The following RALGDS variants were observed in gnomAD, a reference collection of about 807,000 sequenced individuals.
RALGDS encodes ral guanine nucleotide dissociation stimulator, also known as ral guanine nucleotide exchange factor.
RALGDS carries 44 observed loss-of-function variants against 99.8 expected under a neutral mutation model. That is an observed-to-expected ratio of 0.44 (90% confidence interval 0.35 to 0.57). The LOEUF is 0.57. Ranked by LOEUF, RALGDS falls within the 20% of genes least tolerant of loss-of-function variation. RALGDS has a pLI of 0.01. For synonymous variants in RALGDS, 529 were observed against 505.0 expected (o/e 1.05, Z -0.64); for missense variants, 1,022 against 1,203.1 (o/e 0.85, Z 2.23).
Position 133,144,860 on chromosome 9 carries a change from G to A in RALGDS, c.18+4103C>T, listed in dbSNP as rs1434064430. 6.6e-6 allele frequency among the ~76,000 whole-genome samples: 1 copy of A among 152,218 alleles called. No individual in the cohort carries two copies. The highest frequency in any genetic ancestry group is 2.4e-5 in the African/African-American group (1 of 41,452). On this transcript the variant is annotated intron_variant, in intron 1 of 17. Transcript: ENST00000393160. The surrounding 1 kb of genome is among the most constrained non-coding windows in gnomAD (Gnocchi z 4.5). ...GATCTTATTTGGAAATAGGGTCTGT[G>A]CGGATAGAATCCGGATGAGGTCATA... is the stretch of plus-strand genomic sequence containing the variant.
At chr9:133,131,632 A>T (rs776494017), upstream of RALGDS, among the ~76,000 whole-genome samples, 3 of 152,022 alleles carry the variant, frequency 2.0e-5, no homozygotes, top group Non-Finnish European at 4.4e-5. Flanking sequence ...CATCTGGCAC[A>T]CTTCCTCCTC....
intron 4 of RALGDS, 68 bp from the exon 5 acceptor site, chr9:133,108,934 C>G (rs1386667458): frequency 8.9e-6 from 13 of 1,468,784 alleles, no homozygotes; most frequent in Admixed American, 1.9e-5. Context: ...GGCTCCTGAG[C>G]CGGCCCCTGT....
chr9:133,136,107 C>T (rs747599731), upstream of RALGDS, among the ~76,000 whole-genome samples: 2 of 152,130 alleles, frequency 1.3e-5, no homozygotes, highest in African/African-American at 2.4e-5. Flanking sequence ...CTACTAGGTG[C>T]CGGGCACTAT....
At chr9:133,133,047 C>G (rs1282172130), upstream of RALGDS, among the ~76,000 whole-genome samples, 1 of 152,178 alleles carries the variant, frequency 6.6e-6, no homozygotes, top group Non-Finnish European at 1.5e-5. Flanking sequence ...GGACAAGCAG[C>G]TCCCGGGTAC....
chr9:133,106,437 C>T (rs1019567364), intron 8 of RALGDS, among the ~76,000 whole-genome samples: 13 of 152,152 alleles, frequency 8.5e-5, no homozygotes, highest in African/African-American at 2.9e-4. Context: ...GTGGCTACAA[C>T]ACGAATACCT....
At chr9:133,120,915 T>C (rs1831898715) in intron 1 of RALGDS, 57 bp downstream of exon 1, 5 of 1,437,950 alleles carry the variant, frequency 3.5e-6, no homozygotes, top group South Asian at 2.7e-5. Flanking sequence ...TGCCCAGCTC[T>C]GCCGCGGGTG....
intron 1 of RALGDS, among the ~76,000 whole-genome samples, chr9:133,141,026 G>A (rs1032875518): frequency 1.3e-5 from 2 of 152,164 alleles, no homozygotes; most frequent in African/African-American, 2.4e-5. Context: ...ACCCAACTCC[G>A]GAGGTGGGCA....
At chr9:133,102,947 G>C (rs1830831793) in intron 12 of RALGDS, 47 bp from the exon 13 acceptor site, 1 of 1,608,252 alleles carries the variant, frequency 6.2e-7, no homozygotes, top group African/African-American at 1.3e-5. Flanking sequence ...CCCCCGGGCA[G>C]CACAGGGGCC....
chr9:133,132,789 G>A (rs571258825), upstream of RALGDS, among the ~76,000 whole-genome samples: 1 of 152,186 alleles, frequency 6.6e-6, no homozygotes, highest in Non-Finnish European at 1.5e-5. Context: ...ACAGGCATGC[G>A]GCACCACGCC....
At position 133,098,651 on chromosome 9, in the gene RALGDS, CCGTGCTT is replaced by C; in HGVS notation, c.2674_2680del (p.Lys892GlufsTer9). The C allele has an allele frequency of 6.2e-7, 1 of 1,614,142 alleles. No homozygotes were observed. Among genetic ancestry groups the C allele is most frequent in the East Asian group, 2.2e-5 (1 of 44,856 alleles). On this transcript the variant is annotated frameshift_variant, in exon 18 of 18. Coordinates refer to ENST00000372050, the MANE Select transcript of RALGDS (RefSeq NM_006266.4). LOFTEE classifies it high-confidence loss of function. ...CATGCGAGGGAGGGTGGAGCTGGCT[CCGTGCTT>C]GACCTTCACTCCCTTGGTGAAGGTC... is the stretch of plus-strand genomic sequence containing the variant.
At chr9:133,104,665 T>G in intron 9 of RALGDS, 1 of 302,988 alleles carries the variant, frequency 3.3e-6, no homozygotes, top group Non-Finnish European at 6.5e-6. Context: ...ATACAAAAAT[T>G]ACCTGGGTTG....
chr9:133,103,911 C>G (rs375843258), intron 10 of RALGDS, 78 bp from the exon 11 acceptor site: 2 of 1,404,044 alleles, frequency 1.4e-6, no homozygotes, highest in African/African-American at 2.8e-5. Flanking sequence ...ACTGGTCTCA[C>G]TTGGAACAGC....
chr9:133,100,617 A>G (rs1830711673), intron 16 of RALGDS: 3 of 1,406,826 alleles, frequency 2.1e-6, no homozygotes, highest in African/African-American at 2.9e-5. Flanking sequence ...GGTCTGTCCC[A>G]GCAGTGCCTA....
At chr9:133,127,697 G>A (rs1832206260) in intron 1 of RALGDS, among the ~76,000 whole-genome samples, 1 of 152,218 alleles carries the variant, frequency 6.6e-6, no homozygotes, top group Non-Finnish European at 1.5e-5. Context: ...TGGGTTCCTG[G>A]CAACCTCTGG....
intron 1 of RALGDS, chr9:133,130,887 C>T (rs975730731): frequency 3.5e-6 from 5 of 1,449,170 alleles, no homozygotes; most frequent in African/African-American, 2.8e-5. Context: ...ACTCAGAGCC[C>T]CAACCCCAAA....
At chr9:133,130,817 T>TG in intron 1 of RALGDS, 1 of 818,886 alleles carries the variant, frequency 1.2e-6, no homozygotes, top group Non-Finnish European at 1.9e-6. Context: ...GAAAAGTGTC[T>TG]GTCCAGCTGC....
intron 1 of RALGDS, among the ~76,000 whole-genome samples, chr9:133,114,800 T>C (rs1188414932): frequency 6.6e-6 from 1 of 152,246 alleles, no homozygotes; most frequent in Admixed American, 6.5e-5. Context: ...GCAGGCATGC[T>C]GATGTCCCTG....
intron 7 of RALGDS, 33 bp from the exon 8 acceptor site, chr9:133,106,781 G>C (rs1290758666): frequency 4.6e-6 from 7 of 1,514,712 alleles, no homozygotes; most frequent in Non-Finnish European, 3.6e-6. Context: ...CATGAGGTGG[G>C]GCTGGAGCTC....
In RALGDS at chr9:133,121,217, G is replaced by C. The variant is rs1173248449; in HGVS notation, c.-63C>G. On this transcript the variant is annotated 5_prime_UTR_variant, in exon 1 of 18. Coordinates refer to ENST00000372050, the MANE Select transcript of RALGDS (RefSeq NM_006266.4). ...CGCGGCGGGGGCGGCGGCGCGGCCC[G>C]CGCGGCTGGGCTTTGCCACCGCTGT... 1.0e-6 allele frequency: 1 copy of C among 987,670 alleles called. No individual in the cohort carries two copies. The highest frequency in any genetic ancestry group is 1.2e-6 in the Non-Finnish European group (1 of 833,270). The allele number at this position is 987,670 out of a possible 1,614,324, so 61.2% of individuals were successfully genotyped here.
Sources: allele counts gnomAD v4.1 joint callset (sites outside exome capture counted in the v4.1 genomes callset), GRCh38; gene constraint gnomAD v4.1.1; non-coding constraint Gnocchi (gnomAD v3.1); transcripts MANE v1.5; gene names NCBI Gene and HGNC (gene_info 2026-07-23, HGNC 2026-07-21).